Variants in CARD8 observed in about 807,000 individuals in gnomAD.
The protein encoded by CARD8 is caspase recruitment domain-containing protein 8.
Under a neutral mutation model 53.2 loss-of-function variants are expected in CARD8, and 38 were observed. The observed-to-expected ratio is 0.71, with a 90% confidence interval of 0.55 to 0.94. The LOEUF is 0.94. Among genes scored for constraint, CARD8 ranks in the 40% least tolerant of loss-of-function variants. The pLI is 0.00. For synonymous variants in CARD8, 245 were observed against 244.9 expected, an observed-to-expected ratio of 1.00 and a Z score of 0.00; for missense variants, 561 against 655.5, an observed-to-expected ratio of 0.86 and a Z score of 1.57.
downstream of CARD8, among the ~76,000 whole-genome samples, chr19:48,207,311 G>C (rs1469689889): frequency 6.6e-6 from 1 of 151,934 alleles, no homozygotes; most frequent in African/African-American, 2.4e-5. Flanking sequence ...ATGGCAACCT[G>C]AGCAGGATAA....
chr19:48,226,445 G>A (rs56227000), intron 10 of CARD8, among the ~76,000 whole-genome samples: 44 of 152,154 alleles, frequency 2.9e-4, no homozygotes, highest in Admixed American at 5.2e-4. Flanking sequence ...GGCTGGTCTC[G>A]AACTCCTGGC....
intron 6 of CARD8, 95 bp downstream of exon 6, chr19:48,234,308 C>CCTCT (rs1170694825): frequency 2.9e-5 from 37 of 1,285,402 alleles, no homozygotes; most frequent in Non-Finnish European, 4.0e-5. Context: ...CCCCTGAGTT[C>CCTCT]GATGAAAAAC....
chr19:48,225,051 C>T (rs1006968111), intron 10 of CARD8, among the ~76,000 whole-genome samples: 7 of 152,094 alleles, frequency 4.6e-5, no homozygotes, highest in Non-Finnish European at 8.8e-5. Flanking sequence ...CCGCACCCGG[C>T]CCTCCTTGTG....
In CARD8 at chr19:48,231,713, C is replaced by T; in HGVS notation, c.489G>A (p.Gly163=). ...ACTCAACATCCACATTTCCTTCAGGCCCCAGAAACTGACGATTTTTATAAT... is the reference window on the plus strand; with the variant it reads ...ACTCAACATCCACATTTCCTTCAGGTCCCAGAAACTGACGATTTTTATAAT... ...EEDYKNRQFL[G]PEGNVDVELI... Residue 163 remains glycine (G), a synonymous_variant, in exon 8 of 14, where the codon GGG becomes GGA. Coordinates refer to ENST00000651546, the MANE Select transcript of CARD8 (RefSeq NM_001184900.3). 1 of 1,613,248 alleles carries T rather than the reference C, an allele frequency of 6.2e-7. No individual in the cohort carries two copies. The highest frequency in any genetic ancestry group is 1.1e-5 in the South Asian group (1 of 90,992).
At chr19:48,235,095 G>C (rs1003676857) in intron 5 of CARD8, among the ~76,000 whole-genome samples, 5 of 152,294 alleles carry the variant, frequency 3.3e-5, no homozygotes, top group Admixed American at 6.5e-5. Context: ...AATGCTCACA[G>C]AAAAAGAAAA....
At chr19:48,233,782 TTAAA>T (rs990303400) in intron 6 of CARD8, 35 of 172,562 alleles carry the variant, frequency 2.0e-4, no homozygotes, top group African/African-American at 7.9e-4. Flanking sequence ...AAGCTAACAT[TTAAA>T]TAAATCATAT....
chr19:48,241,299 A>T (rs1018177918), intron 3 of CARD8, among the ~76,000 whole-genome samples: 11 of 152,166 alleles, frequency 7.2e-5, no homozygotes, highest in Admixed American at 7.2e-4. Context: ...TCTGTCACCC[A>T]GGCTGGAGTG....
rs1220152590 is a variant in CARD8, at chr19:48,238,420, T to A, written c.172A>T (p.Ile58Phe). The change falls in exon 5 of 14, where the codon ATT becomes TTT. Residue 58 changes from isoleucine (I) to phenylalanine (F), a missense_variant. By Grantham distance (21) the Ile-to-Phe change is conservative (BLOSUM62 0). Coordinates refer to ENST00000651546, the MANE Select transcript of CARD8 (RefSeq NM_001184900.3). ...IRELQYTKTG[I>F]FFQAEACVTN... ...ACACAGGCCTCAGCCTGAAAAAAAA[T>A]TCCAGTTTTTGTGTATTGCAGTTCC... 3.9e-6 allele frequency: 6 copies of A among 1,535,982 alleles called. No individual in the cohort carries two copies. Among genetic ancestry groups the A allele is most frequent in the Non-Finnish European group, 4.4e-6 (5 of 1,146,908 alleles).
At chr19:48,231,877 G>A (rs779059005) in intron 7 of CARD8, 67 bp from the exon 8 acceptor site, 69 of 1,446,872 alleles carry the variant, frequency 4.8e-5, no homozygotes, top group Middle Eastern at 1.7e-4. Context: ...AAGGACTCCT[G>A]GAGGCTGAAT....
chr19:48,221,954 G>A (rs2040732337), intron 10 of CARD8, 99 bp from the exon 11 acceptor site: 2 of 911,204 alleles, frequency 2.2e-6, no homozygotes, highest in Non-Finnish European at 3.2e-6. Context: ...TAGCACGTAG[G>A]CTATGATTCA....
intron 4 of CARD8, among the ~76,000 whole-genome samples, chr19:48,240,341 T>C (rs1309877052): frequency 6.6e-6 from 1 of 152,156 alleles, no homozygotes; most frequent in Non-Finnish European, 1.5e-5. Flanking sequence ...CATAGGCCCA[T>C]GCATCAAGGA....
rs1372987218 is a variant in CARD8 at position 48,234,521 on chromosome 19, C to T, written c.232G>A (p.Val78Ile). ...NDTVYRELPC[V>I]SETLCDISHF... is the part of the protein sequence containing the mutation. ...GAGATGTCACAAAGGGTCTCAGAAA[C>T]ACAGGGTAGCTCCCTGTATACCCTG... The change falls in exon 6 of 14, where the codon GTT becomes ATT. Residue 78 changes from valine (V) to isoleucine (I), a missense_variant. Val to Ile is a conservative substitution (Grantham distance 29, BLOSUM62 3). Coordinates refer to ENST00000651546, the MANE Select transcript of CARD8 (RefSeq NM_001184900.3). The T allele has an allele frequency of 1.2e-6, 2 of 1,613,668 alleles. No individual in the cohort carries two copies. The highest frequency in any genetic ancestry group is 2.7e-5 in the African/African-American group (2 of 75,012).
At chr19:48,251,723 C>T (rs186812515) in intron 1 of CARD8, among the ~76,000 whole-genome samples, 1 of 152,248 alleles carries the variant, frequency 6.6e-6, no homozygotes, top group African/African-American at 2.4e-5. Flanking sequence ...GGCATACATC[C>T]GTGATCTAAA....
chr19:48,242,493 T>C (rs2045359187), intron 3 of CARD8: 1 of 152,212 alleles, frequency 6.6e-6, no homozygotes, highest in African/African-American at 2.4e-5. Context: ...TTCTTTCACT[T>C]CCCGTATGTT....
At position 48,225,043 on chromosome 19, in the gene CARD8, G is replaced by A. The variant is rs374873596; in HGVS notation, c.1036-3188C>T. Among the ~76,000 whole-genome samples the A allele has an allele frequency of 5.3e-5, 8 of 151,644 alleles. No individual in the cohort carries two copies. In the South Asian group the frequency reaches 8.4e-4, roughly 16 times the overall value. ...CCTGGGATTACAGGTGTGAGCCACC[G>A]CACCCGGCCCTCCTTGTGCTTTTAA... On this transcript the variant is annotated intron_variant, in intron 10 of 13. Transcript: ENST00000651546.
chr19:48,233,682 C>T (rs531404103), intron 6 of CARD8: 1 of 221,000 alleles, frequency 4.5e-6, no homozygotes, highest in East Asian at 1.3e-4. Context: ...GCAGACAGCG[C>T]ATCCCAGATC....
At chr19:48,239,696 G>A (rs2146607550) in intron 4 of CARD8, among the ~76,000 whole-genome samples, 1 of 152,144 alleles carries the variant, frequency 6.6e-6, no homozygotes, top group East Asian at 1.9e-4. Flanking sequence ...GACTGGTCTC[G>A]AACTCCTGAC....
At position 48,232,507 on chromosome 19, in the gene CARD8, T is replaced by A; in HGVS notation, c.351-14A>T. On this transcript the variant is annotated splice_polypyrimidine_tract_variant and intron_variant, in intron 6 of 13. Transcript: ENST00000651546. ...TCTTCTGATACACTGGAGGTTGGGA[T>A]CCCCATGTTACAAAAAGATGAAAAA... 6.5e-7 allele frequency: 1 copy of A among 1,534,850 alleles called. No homozygotes were observed. The highest frequency in any genetic ancestry group is 1.4e-5 in the African/African-American group (1 of 73,112).
At chr19:48,223,366 G>A (rs935872162) in intron 10 of CARD8, among the ~76,000 whole-genome samples, 1 of 151,964 alleles carries the variant, frequency 6.6e-6, no homozygotes, top group African/African-American at 2.4e-5. Context: ...ATGGCCCATG[G>A]AGAAAACCTG....
Sources: gnomAD v4.1 joint callset for allele counts (sites outside exome capture counted in the v4.1 genomes callset) on GRCh38, gnomAD v4.1.1 for gene constraint, MANE v1.5 for transcripts, NCBI Gene and HGNC (gene_info 2026-07-23, HGNC 2026-07-21) for gene names.